The following TMEM44 variants were observed in gnomAD, a reference collection of about 807,000 sequenced individuals.
TMEM44 encodes transmembrane protein 44.
Under a neutral mutation model 47.8 loss-of-function variants are expected in TMEM44, and 43 were observed. The ratio of observed to expected loss-of-function variants is 0.90; its 90% CI spans 0.70 to 1.16. TMEM44 has a LOEUF of 1.16. TMEM44 is among the 50% of genes most tolerant of loss of function. The pLI, the probability that TMEM44 is intolerant of heterozygous loss-of-function variation, is 0.00. For missense variants in TMEM44, 568 were observed against 555.2 expected (o/e 1.02, Z -0.23); for synonymous variants, 277 against 238.8 (o/e 1.16, Z -1.48).
At chr3:194,597,810 C>T (rs1302253664) in intron 9 of TMEM44, among the ~76,000 whole-genome samples, 1 of 152,156 alleles carries the variant, frequency 6.6e-6, no homozygotes, top group East Asian at 1.9e-4. Flanking sequence ...ATATCCTCAG[C>T]AGTTTCAATG....
intron 6 of TMEM44, chr3:194,616,449 T>C: frequency 5.1e-6 from 2 of 393,908 alleles, no homozygotes; most frequent in South Asian, 1.8e-5. Context: ...ACAGCTGGGG[T>C]CCCTATAAGA....
At chr3:194,604,671 G>A (rs1469975547) in intron 8 of TMEM44, among the ~76,000 whole-genome samples, 2 of 152,122 alleles carry the variant, frequency 1.3e-5, no homozygotes, top group East Asian at 1.9e-4. Flanking sequence ...CCAAATCCAC[G>A]TACACATATT....
At chr3:194,606,149 T>C (rs953189274) in intron 8 of TMEM44, among the ~76,000 whole-genome samples, 1 of 152,078 alleles carries the variant, frequency 6.6e-6, no homozygotes, top group African/African-American at 2.4e-5. Flanking sequence ...TAAAACAGAA[T>C]TTTCAAACAC....
intron 9 of TMEM44, among the ~76,000 whole-genome samples, chr3:194,601,281 G>C (rs1362075251): frequency 6.6e-6 from 1 of 151,636 alleles, no homozygotes; most frequent in African/African-American, 2.4e-5. Flanking sequence ...GGGATTACAG[G>C]CACCCGCCAC....
At chr3:194,629,259 C>T (rs1285106901) in intron 1 of TMEM44, among the ~76,000 whole-genome samples, 1 of 152,154 alleles carries the variant, frequency 6.6e-6, no homozygotes, top group Non-Finnish European at 1.5e-5. Context: ...GAAATAAATT[C>T]AAACGAAATT....
Position 194,589,003 on chromosome 3 carries a change from C to CT in TMEM44, c.1177-365dup, listed in dbSNP as rs1389956980. On this transcript the variant is annotated intron_variant, in intron 9 of 9. Coordinates refer to ENST00000347147, the MANE Select transcript of TMEM44 (RefSeq NM_001011655.3). ...TGGAAAAAACCAGGCAAACTTAATC[C>CT]TTTTTTATTTTTTTAAGACAGGGTC... is the stretch of plus-strand genomic sequence containing the variant. The CT allele has an allele frequency of 6.8e-5, 17 of 249,372 alleles. No individual in the cohort carries two copies. The South Asian group carries it at 8.6e-4, about 13-fold the overall frequency. The allele number at this position is 249,372 out of a possible 1,614,324, so 15.4% of individuals were successfully genotyped here.
intron 9 of TMEM44, among the ~76,000 whole-genome samples, chr3:194,595,765 A>G (rs545998413): frequency 6.6e-6 from 1 of 152,082 alleles, no homozygotes; most frequent in South Asian, 2.1e-4. Flanking sequence ...AGCTGGGATT[A>G]CAGGCGTGCG....
rs1369425693 is a variant in TMEM44 at position 194,588,222 on chromosome 3, G to A, written c.*307C>T. On this transcript the variant is annotated 3_prime_UTR_variant, in exon 10 of 10. Transcript: ENST00000347147. ...ATTCCGTTCATGGCTGACTCTCAAG[G>A]GAATGAAGGGAAAAGGAAGAGCGGG... 9.3e-6 allele frequency: 3 copies of A among 322,988 alleles called. No homozygotes were observed. The highest frequency in any genetic ancestry group is 1.4e-4 in the East Asian group (2 of 14,426). 20.0% of individuals were successfully genotyped at this position (322,988 alleles called of 1,614,324 possible). A position where few individuals can be genotyped will look rare whatever the true frequency, so the allele number is the denominator to read the frequency against.
At chr3:194,590,184 C>G (rs1455148478) in intron 9 of TMEM44, 1 of 152,210 alleles carries the variant, frequency 6.6e-6, no homozygotes, top group African/African-American at 2.4e-5. Context: ...GCCATGCCAT[C>G]CCAGTGATAA....
chr3:194,626,736 T>A (rs1717224950), intron 2 of TMEM44, among the ~76,000 whole-genome samples: 1 of 145,176 alleles, frequency 6.9e-6, no homozygotes, highest in African/African-American at 2.6e-5. Flanking sequence ...CAGGCTGGAG[T>A]GCAGTGGCGT....
intron 2 of TMEM44, among the ~76,000 whole-genome samples, chr3:194,627,987 A>T (rs1242065648): frequency 1.3e-5 from 2 of 152,032 alleles, no homozygotes; most frequent in African/African-American, 4.8e-5. Flanking sequence ...TCAAAAAACA[A>T]ACAAGCAAAA....
At chr3:194,620,525 GAC>G (rs1430661066) in intron 5 of TMEM44, among the ~76,000 whole-genome samples, 1 of 152,216 alleles carries the variant, frequency 6.6e-6, no homozygotes, top group Admixed American at 6.5e-5. Context: ...AGTGGGAAAT[GAC>G]ACAGACAAGG....
At chr3:194,609,043 G>T (rs1375230580) in intron 8 of TMEM44, among the ~76,000 whole-genome samples, 1 of 152,212 alleles carries the variant, frequency 6.6e-6, no homozygotes, top group South Asian at 2.1e-4. Context: ...GATGGGCATG[G>T]GGGTGTGGCC....
chr3:194,630,773 T>C (rs1717721446), intron 1 of TMEM44, among the ~76,000 whole-genome samples: 2 of 147,936 alleles, frequency 1.4e-5, no homozygotes, highest in South Asian at 2.1e-4. Context: ...TGATGGGGCC[T>C]CTGAAATACG....
At chr3:194,615,719 T>C (rs564566349) in intron 6 of TMEM44, 22 bp from the exon 7 acceptor site, 1 of 1,612,484 alleles carries the variant, frequency 6.2e-7, no homozygotes, top group African/African-American at 1.3e-5. Flanking sequence ...TAAGTTAAGG[T>C]AGGAAGCAGA....
intron 1 of TMEM44, among the ~76,000 whole-genome samples, chr3:194,629,680 C>T (rs940156964): frequency 3.3e-5 from 5 of 149,476 alleles, no homozygotes; most frequent in Admixed American, 6.6e-5. Context: ...TTTCCATCGG[C>T]GTCACTGACA....
At chr3:194,601,461 C>T (rs1426176658) in intron 9 of TMEM44, among the ~76,000 whole-genome samples, 3 of 152,100 alleles carry the variant, frequency 2.0e-5, no homozygotes, top group South Asian at 2.1e-4. Context: ...TGCGCCACCA[C>T]GCCTGGCTAA....
Position 194,617,194 on chromosome 3 carries a change from A to G in TMEM44, c.688T>C (p.Ser230Pro), listed in dbSNP as rs535291300. The change falls in exon 6 of 10, where the codon TCG becomes CCG. Residue 230 changes from serine (S) to proline (P), a missense_variant. Transcript: ENST00000347147. ...LSALAGLLYASAIVAHDQHPE... is the reference protein window; with the variant it reads ...LSALAGLLYAPAIVAHDQHPE... ...TGCTGGTCGTGGGCCACAATGGCCG[A>G]GGCATAGAGGAGGCCAGCCAGGGCC... 5.2e-6 allele frequency: 8 copies of G among 1,550,264 alleles called. No homozygotes were observed. The African/African-American group carries it at 1.1e-4, about 21-fold the overall frequency.
At position 194,615,464 on chromosome 3, in the gene TMEM44, G is replaced by T; in HGVS notation, c.912+105C>A. Reference sequence around the variant, plus strand: ...CTGAGTCGCCTGCAGAGAACACTCGGCAGGCAGCTTTCACACGTCCGTCCG... The same window carrying T: ...CTGAGTCGCCTGCAGAGAACACTCGTCAGGCAGCTTTCACACGTCCGTCCG... On this transcript the variant is annotated intron_variant, in intron 7 of 9. Transcript: ENST00000347147. 9.5e-6 allele frequency: 14 copies of T among 1,475,600 alleles called. No individual in the cohort carries two copies. In the South Asian group the frequency reaches 1.7e-4, roughly 18 times the overall value. The allele number at this position is 1,475,600 out of a possible 1,614,324, so 91.4% of individuals were successfully genotyped here.
Sources: gnomAD v4.1 joint callset for allele counts (sites outside exome capture counted in the v4.1 genomes callset) on GRCh38, gnomAD v4.1.1 for gene constraint, MANE v1.5 for transcripts, NCBI Gene and HGNC (gene_info 2026-07-23, HGNC 2026-07-21) for gene names.